The following SPARC variants were observed in gnomAD, a reference collection of about 807,000 sequenced individuals.
SPARC encodes the protein basement-membrane protein 40.
SPARC carries 23 observed loss-of-function variants against 37.7 expected under a neutral mutation model. The observed-to-expected ratio is 0.61, with a 90% CI of 0.44 to 0.87. SPARC has a LOEUF of 0.87. Among genes scored for constraint, SPARC ranks in the 40% least tolerant of loss-of-function variants. The pLI is 0.00. For synonymous variants in SPARC, 155 were observed against 150.8 expected, an observed-to-expected ratio of 1.03 and a Z score of -0.20; for missense variants, 312 against 389.0, an observed-to-expected ratio of 0.80 and a Z score of 1.66.
chr5:151,673,459 G>A (rs1346888564), intron 3 of SPARC, among the ~76,000 whole-genome samples: 2 of 152,130 alleles, frequency 1.3e-5, no homozygotes, highest in Non-Finnish European at 2.9e-5. Context: ...AAATCACTAA[G>A]CTAAGGGGAA....
In SPARC at chr5:151,663,477, G is replaced by T; in HGVS notation, c.*94C>A. On this transcript the variant is annotated 3_prime_UTR_variant, in exon 10 of 10. Coordinates refer to ENST00000231061, the MANE Select transcript of SPARC (RefSeq NM_003118.4). The stretch of plus-strand genomic sequence containing the variant: ...AATCTATGTTAGCACCTTGTCTCCA[G>T]GCAGAACAACAAACCATCCAAACAT... 8.0e-7 allele frequency: 1 copy of T among 1,251,428 alleles called. No individual in the cohort carries two copies. Among genetic ancestry groups the T allele is most frequent in the Non-Finnish European group, 1.2e-6 (1 of 856,054 alleles). 77.5% of individuals were successfully genotyped at this position (1,251,428 alleles called of 1,614,324 possible).
At chr5:151,681,822 G>A (rs1227398365) in intron 1 of SPARC, among the ~76,000 whole-genome samples, 2 of 152,226 alleles carry the variant, frequency 1.3e-5, no homozygotes, top group East Asian at 1.9e-4. Context: ...GAACCTGGGA[G>A]GCAGAGGTTG....
chr5:151,677,155 TGCTATTCCTAACAGAG>T (rs1760876641), intron 1 of SPARC: 1 of 152,218 alleles, frequency 6.6e-6, no homozygotes, highest in African/African-American at 2.4e-5. Context: ...AAAACTAAAA[TGCTATTCCTAACAGAG>T]GCTCTGTGGT....
chr5:151,684,395 G>C (rs1401107518), intron 1 of SPARC, among the ~76,000 whole-genome samples: 1 of 150,962 alleles, frequency 6.6e-6, no homozygotes, highest in East Asian at 1.9e-4. Flanking sequence ...CCAATGTCAG[G>C]CACTGGGAGT....
intron 4 of SPARC, 92 bp from the exon 5 acceptor site, chr5:151,671,786 TG>T (rs1421038348): frequency 1.2e-5 from 18 of 1,538,312 alleles, no homozygotes; most frequent in Non-Finnish European, 1.4e-5. Context: ...TGACAGTCCT[TG>T]ACTGTGGCCC....
At chr5:151,665,319 TC>T (rs1760597438) in intron 8 of SPARC, among the ~76,000 whole-genome samples, 1 of 151,676 alleles carries the variant, frequency 6.6e-6, no homozygotes, top group Non-Finnish European at 1.5e-5. Context: ...CTTTGACTTT[TC>T]CCCTCCCTGC....
intron 4 of SPARC, chr5:151,671,933 G>C: frequency 2.0e-6 from 1 of 493,246 alleles, no homozygotes; most frequent in Non-Finnish European, 3.6e-6. Context: ...CTTCTGGGGG[G>C]CTGGAGGCTC....
chr5:151,682,201 T>C (rs1761008763), intron 1 of SPARC, among the ~76,000 whole-genome samples: 1 of 152,108 alleles, frequency 6.6e-6, no homozygotes, highest in South Asian at 2.1e-4. Flanking sequence ...TAGCTAAAAC[T>C]TAGGACTGGA....
chr5:151,679,240 C>T (rs1760929004), intron 1 of SPARC: 1 of 152,230 alleles, frequency 6.6e-6, no homozygotes, highest in Admixed American at 6.5e-5. Context: ...TAATCCAGCA[C>T]CCCACTGGGG....
chr5:151,675,330 CTGTTTCT>C (rs1230851179), intron 2 of SPARC, among the ~76,000 whole-genome samples: 1 of 152,122 alleles, frequency 6.6e-6, no homozygotes, highest in East Asian at 1.9e-4. Context: ...TTTGCCTGCC[CTGTTTCT>C]TCCTCCTCTC....
chr5:151,680,684 C>T (rs1760968209), intron 1 of SPARC, among the ~76,000 whole-genome samples: 1 of 152,200 alleles, frequency 6.6e-6, no homozygotes, highest in African/African-American at 2.4e-5. Flanking sequence ...TGGCTCACCA[C>T]TTAGTAATTG....
In SPARC at chr5:151,674,640, A is replaced by G. The variant is rs753172623; in HGVS notation, c.92T>C (p.Val31Ala). 1 of 1,614,108 alleles carries G rather than the reference A, an allele frequency of 6.2e-7. No homozygotes were observed. The highest frequency in any genetic ancestry group is 8.5e-7 in the Non-Finnish European group (1 of 1,180,018). Reference protein sequence around the residue: ...QEALPDETEVVEETVAEVTEV... With the variant: ...QEALPDETEVAEETVAEVTEV... ...AGTCACCTCTGCCACAGTTTCTTCC[A>G]CCACCTCTGTCTCATCAGGCAGGGC... Residue 31 changes from valine (V) to alanine (A), a missense_variant, in exon 3 of 10, where the codon GTG (valine) becomes GCG (alanine). Transcript: ENST00000231061.
chr5:151,667,653 C>G (rs996811957), intron 6 of SPARC, 53 bp from the exon 7 acceptor site: 8 of 1,585,620 alleles, frequency 5.0e-6, no homozygotes, highest in Non-Finnish European at 6.9e-6. Flanking sequence ...GGCCGTGCTC[C>G]CCACCCCAGG....
Position 151,663,481 on chromosome 5 carries a change from G to C in SPARC, c.*90C>G. 4 of 1,304,518 alleles carry C rather than the reference G, an allele frequency of 3.1e-6. No homozygotes were observed. Among genetic ancestry groups the C allele is most frequent in the Non-Finnish European group, 4.4e-6 (4 of 903,646 alleles). The allele number at this position is 1,304,518 out of a possible 1,614,324, so 80.8% of individuals were successfully genotyped here. The stretch of plus-strand genomic sequence containing the variant: ...TATGTTAGCACCTTGTCTCCAGGCA[G>C]AACAACAAACCATCCAAACATTTTA... On this transcript the variant is annotated 3_prime_UTR_variant, in exon 10 of 10. Transcript: ENST00000231061.
At position 151,666,581 on chromosome 5, in the gene SPARC, C is replaced by A. The variant is rs567496364; in HGVS notation, c.586-72G>T. The A allele has an allele frequency of 1.8e-3, 2,584 of 1,464,414 alleles. 47 individuals carry two copies. Among genetic ancestry groups the A allele is most frequent in the Non-Finnish European group, 1.5e-4 (166 of 1,071,794 alleles). 90.7% of individuals were successfully genotyped at this position (1,464,414 alleles called of 1,614,324 possible). On this transcript the variant is annotated intron_variant, in intron 7 of 9. Transcript: ENST00000231061. ...CTGGACCAGTCGGGCCCTCCCACCC[C>A]TCCCAGAAGGCCAGAGCAGGCAGAG... is the stretch of plus-strand genomic sequence containing the variant.
chr5:151,671,789 C>A (rs1375975012), intron 4 of SPARC, 95 bp from the exon 5 acceptor site: 18 of 1,534,418 alleles, frequency 1.2e-5, no homozygotes, highest in Non-Finnish European at 1.4e-5. Flanking sequence ...CAGTCCTTGA[C>A]TGTGGCCCCC....
At chr5:151,680,216 CTTTTTTTTTTT>C (rs58021431) in intron 1 of SPARC, among the ~76,000 whole-genome samples, 2 of 61,970 alleles carry the variant, frequency 3.2e-5, no homozygotes, top group South Asian at 6.9e-4. Flanking sequence ...TGGAAAACAT[CTTTTTTTTTTT>C]TTTTTTTTTT....
At chr5:151,666,041 TCCCCTGCCA>T (rs1760612050) in intron 8 of SPARC, among the ~76,000 whole-genome samples, 1 of 152,196 alleles carries the variant, frequency 6.6e-6, no homozygotes, top group Non-Finnish European at 1.5e-5. Context: ...CCCAACCTTG[TCCCCTGCCA>T]CCCCTTGGAG....
chr5:151,674,368 C>T (rs1215070077), intron 3 of SPARC, among the ~76,000 whole-genome samples: 1 of 152,106 alleles, frequency 6.6e-6, no homozygotes, highest in Admixed American at 6.6e-5. Context: ...ACAACTGTTG[C>T]ATAGCTTAAA....
Sources: allele counts gnomAD v4.1 joint callset (sites outside exome capture counted in the v4.1 genomes callset), GRCh38; gene constraint gnomAD v4.1.1; transcripts MANE v1.5; gene names NCBI Gene and HGNC (gene_info 2026-07-23, HGNC 2026-07-21).